The following RANBP2 variants were observed in gnomAD, a reference collection of about 807,000 sequenced individuals.
The protein encoded by RANBP2 is RAN binding protein 2, also known as E3 SUMO-protein ligase RanBP2.
A neutral mutation model predicts 303.6 loss-of-function variants in RANBP2; 57 were observed. That is an observed-to-expected ratio of 0.19 (90% CI 0.15 to 0.23). RANBP2 has a LOEUF of 0.23. RANBP2 is among the 10% of genes least tolerant of loss of function. The pLI, the probability that RANBP2 is intolerant of heterozygous loss-of-function variation, is 1.00. For missense variants in RANBP2, 3,138 were observed against 3,780.8 expected, an observed-to-expected ratio of 0.83 and a Z score of 4.46; for synonymous variants, 1,167 against 1,301.5, an observed-to-expected ratio of 0.90 and a Z score of 2.23.
the RANBP2 span, among the ~76,000 whole-genome samples, chr2:109,482,991 CTG>C: frequency 6.6e-6 from 1 of 152,218 alleles, no homozygotes; most frequent in Non-Finnish European, 1.5e-5. Context: ...CACAATTTTT[CTG>C]TTTCTTTTAA....
chr2:109,312,303 C>G, the RANBP2 span, among the ~76,000 whole-genome samples: 2 of 152,142 alleles, frequency 1.3e-5, no homozygotes, highest in Non-Finnish European at 2.9e-5. Flanking sequence ...GCTTCCCACT[C>G]GAGGTTGGCT....
At chr2:109,060,702 A>T in the RANBP2 span, among the ~76,000 whole-genome samples, 2 of 152,308 alleles carry the variant, frequency 1.3e-5, no homozygotes, top group Admixed American at 1.3e-4. Flanking sequence ...AGGGCCGGAC[A>T]CCAGCTCCAG....
At chr2:109,452,816 T>C in the RANBP2 span, among the ~76,000 whole-genome samples, 8 of 139,438 alleles carry the variant, frequency 5.7e-5, no homozygotes, top group Non-Finnish European at 1.2e-4. Context: ...GGAGGCTGGT[T>C]CTGGGAGGCT....
the RANBP2 span, among the ~76,000 whole-genome samples, chr2:109,558,741 A>G: frequency 6.6e-6 from 1 of 152,220 alleles, no homozygotes; most frequent in African/African-American, 2.4e-5. Flanking sequence ...GCCAGGAAGT[A>G]CAGTCACATA....
At chr2:109,480,265 G>A in the RANBP2 span, among the ~76,000 whole-genome samples, 1 of 152,302 alleles carries the variant, frequency 6.6e-6, no homozygotes, top group East Asian at 1.9e-4. Flanking sequence ...GCATCTCCCA[G>A]GTGCCCAGCA....
At chr2:109,290,091 T>C in the RANBP2 span, among the ~76,000 whole-genome samples, 1 of 152,218 alleles carries the variant, frequency 6.6e-6, no homozygotes, top group Non-Finnish European at 1.5e-5. Context: ...GTGATGCCAA[T>C]GCTGCTGGTC....
At chr2:109,632,739 A>G in the RANBP2 span, among the ~76,000 whole-genome samples, 1 of 151,992 alleles carries the variant, frequency 6.6e-6, no homozygotes, top group African/African-American at 2.4e-5. Flanking sequence ...GAATCGCTTG[A>G]ACCCAGGAGG....
chr2:108,839,287 G>C, the RANBP2 span: 1 of 1,611,242 alleles, frequency 6.2e-7, no homozygotes, highest in Non-Finnish European at 8.5e-7. Context: ...AAGGCAGCTA[G>C]ATGCTGGAGC....
the RANBP2 span, among the ~76,000 whole-genome samples, chr2:108,876,752 A>C: frequency 6.6e-6 from 1 of 152,146 alleles, no homozygotes; most frequent in African/African-American, 2.4e-5. Context: ...GGGATAGAAA[A>C]AGTTTTTTAT....
chr2:109,273,030 A>T, the RANBP2 span, among the ~76,000 whole-genome samples: 3 of 152,202 alleles, frequency 2.0e-5, no homozygotes, highest in African/African-American at 7.2e-5. Flanking sequence ...AGTTGGTTTT[A>T]ATTTTACCAG....
chr2:109,474,989 G>T, the RANBP2 span, among the ~76,000 whole-genome samples: 16,615 of 151,224 alleles, frequency 0.11, 2,133 homozygotes, highest in African/African-American at 0.31. Flanking sequence ...TTGTTTGTTT[G>T]TTTTTTTGAG....
the RANBP2 span, among the ~76,000 whole-genome samples, chr2:108,792,833 G>A: frequency 6.6e-6 from 1 of 152,266 alleles, no homozygotes; most frequent in Non-Finnish European, 1.5e-5. Flanking sequence ...GGGAGGCCGA[G>A]GCGGGTGGAT....
the RANBP2 span, among the ~76,000 whole-genome samples, chr2:109,005,731 C>A: frequency 1.3e-5 from 2 of 152,358 alleles, no homozygotes; most frequent in South Asian, 4.1e-4. Flanking sequence ...CTGGCAATGA[C>A]AGCTGGAGCA....
At chr2:108,749,445 C>T (rs1464060984) in intron 9 of RANBP2, among the ~76,000 whole-genome samples, 3 of 152,166 alleles carry the variant, frequency 2.0e-5, no homozygotes, top group East Asian at 1.9e-4. Context: ...TACAAATGCC[C>T]GCCATCACGC....
At chr2:109,649,334 C>T in the RANBP2 span, among the ~76,000 whole-genome samples, 1 of 152,028 alleles carries the variant, frequency 6.6e-6, no homozygotes, top group African/African-American at 2.4e-5. Context: ...GGTATGTGTT[C>T]CTGAAAATGG....
the RANBP2 span, among the ~76,000 whole-genome samples, chr2:109,476,997 GT>G: frequency 6.6e-6 from 1 of 152,218 alleles, no homozygotes; most frequent in African/African-American, 2.4e-5. Flanking sequence ...ACTCCAAGCT[GT>G]TTTATCAGCA....
chr2:109,660,945 C>T, the RANBP2 span, among the ~76,000 whole-genome samples: 1 of 152,230 alleles, frequency 6.6e-6, no homozygotes, highest in African/African-American at 2.4e-5. Flanking sequence ...AGCTACAGCT[C>T]TAGCTTGACC....
At position 108,766,186 on chromosome 2, in the gene RANBP2, A is replaced by G. The variant is rs756602888; in HGVS notation, c.5647A>G (p.Lys1883Glu). Residue 1883 changes from lysine (K) to glutamate (E), a missense_variant, in exon 20 of 29, where the codon AAG becomes GAG. Physicochemically the swap from Lys to Glu is moderately conservative, Grantham distance 56. Around this residue, in one of 20 missense-constraint regions of RANBP2, gnomAD observed 348 missense variants for 360.4 expected, o/e 0.97. Transcript: ENST00000283195. The stretch of plus-strand genomic sequence containing the variant: ...TCAGGGTTCTTCTAATACAGAATTT[A>G]AGTCAACCAAAGAAGGATTTTCCAT... Reference protein sequence around the residue: ...MFQGSSNTEFKSTKEGFSIPV... With the variant: ...MFQGSSNTEFESTKEGFSIPV... 8 of 1,612,274 alleles carry G rather than the reference A, an allele frequency of 5.0e-6. No individual in the cohort carries two copies. In the African/African-American group the frequency reaches 9.3e-5, roughly 19 times the overall value.
At chr2:109,502,306 C>T in the RANBP2 span, 1 of 152,192 alleles carries the variant, frequency 6.6e-6, no homozygotes, top group Non-Finnish European at 1.5e-5. Flanking sequence ...ACCATTGTCC[C>T]TTGCATTACT....
Sources: allele counts gnomAD v4.1 joint callset (sites outside exome capture counted in the v4.1 genomes callset), GRCh38; gene constraint gnomAD v4.1.1; regional missense constraint gnomAD v4.1.1; transcripts MANE v1.5; gene names NCBI Gene and HGNC (gene_info 2026-07-23, HGNC 2026-07-21).